Variants in LRCH1 observed in about 807,000 individuals in gnomAD.
LRCH1 encodes the protein leucine-rich repeat and calponin homology domain-containing protein 1.
A neutral mutation model predicts 94.9 loss-of-function variants in LRCH1; 23 were observed. The observed-to-expected ratio is 0.24, with a 90% CI of 0.17 to 0.34. The LOEUF is 0.34. LRCH1 is among the 10% of genes least tolerant of loss of function. The probability of loss-of-function intolerance (pLI) is 1.00; values close to 1 mark genes in which losing one functional copy is unlikely to be tolerated. For synonymous variants in LRCH1, 364 were observed against 354.9 expected (o/e 1.03, Z -0.29); for missense variants, 790 against 945.9 (o/e 0.84, Z 2.16).
chr13:46,720,854 G>A (rs897692024), intron 16 of LRCH1, among the ~76,000 whole-genome samples: 4 of 152,084 alleles, frequency 2.6e-5, no homozygotes, highest in African/African-American at 9.7e-5. Flanking sequence ...TAAAGAGATT[G>A]CCTTAAGTTC....
chr13:46,688,364 T>C (rs1870727760), intron 6 of LRCH1, among the ~76,000 whole-genome samples: 1 of 152,222 alleles, frequency 6.6e-6, no homozygotes, highest in Admixed American at 6.5e-5. Flanking sequence ...TTATTAATGT[T>C]GAATATGCCT....
intron 18 of LRCH1, among the ~76,000 whole-genome samples, chr13:46,729,352 G>A (rs1479326674): frequency 3.3e-5 from 5 of 151,718 alleles, no homozygotes; most frequent in African/African-American, 4.8e-5. Context: ...TTGTAGAGAC[G>A]GGGTTCTAAA....
intron 1 of LRCH1, among the ~76,000 whole-genome samples, chr13:46,648,645 T>C (rs2051253542): frequency 6.6e-6 from 1 of 152,256 alleles, no homozygotes; most frequent in African/African-American, 2.4e-5. Flanking sequence ...AAATTGGAAG[T>C]GCCTTAAATT....
chr13:46,657,500 C>CTT lies in LRCH1; in HGVS notation c.452+7196_452+7197dup, dbSNP rs67588975. On this transcript the variant is annotated intron_variant, in intron 2 of 19. Transcript: ENST00000389797. The stretch of plus-strand genomic sequence containing the variant: ...TCATTTTTACTTTTTCTTTTCTTTT[C>CTT]TTTTTTTTTTTTTTTTTTTTTTTTT... 2.5e-3 allele frequency among the ~76,000 whole-genome samples: 28 copies of CTT among 11,366 alleles called. 1 individual carries two copies. The highest frequency in any genetic ancestry group is 3.2e-3 in the Admixed American group (2 of 618). The allele number at this position is 11,366 out of a possible 152,430, so 7.5% of individuals were successfully genotyped here.
intron 1 of LRCH1, among the ~76,000 whole-genome samples, chr13:46,640,416 A>T (rs1181551374): frequency 6.6e-6 from 1 of 152,216 alleles, no homozygotes; most frequent in Non-Finnish European, 1.5e-5. Context: ...TTCCAAGTTC[A>T]TGCAGCTAAG....
intron 1 of LRCH1, 63 bp downstream of exon 1, chr13:46,553,766 C>T: frequency 6.3e-7 from 1 of 1,579,786 alleles, no homozygotes; most frequent in Non-Finnish European, 8.6e-7. Flanking sequence ...TCGTGCGTTC[C>T]CTAACGCGGT....
At chr13:46,572,981 T>C (rs1454048755) in intron 1 of LRCH1, among the ~76,000 whole-genome samples, 2 of 152,132 alleles carry the variant, frequency 1.3e-5, no homozygotes, top group Non-Finnish European at 1.5e-5. Context: ...CTCTCTATGC[T>C]CTAGTTTCCT....
chr13:46,620,117 G>A (rs2050863813), intron 1 of LRCH1, among the ~76,000 whole-genome samples: 1 of 152,156 alleles, frequency 6.6e-6, no homozygotes, highest in African/African-American at 2.4e-5. Context: ...GTAGGAAAAG[G>A]TATAGAGTCC....
At chr13:46,684,685 C>G (rs933874313) in intron 4 of LRCH1, among the ~76,000 whole-genome samples, 6 of 152,258 alleles carry the variant, frequency 3.9e-5, no homozygotes, top group African/African-American at 1.4e-4. Context: ...TCTTGCTTTT[C>G]CTATTGTTTC....
At chr13:46,554,015 G>C (rs1351197528) in intron 1 of LRCH1, among the ~76,000 whole-genome samples, 3 of 152,236 alleles carry the variant, frequency 2.0e-5, no homozygotes, top group Non-Finnish European at 4.4e-5. Flanking sequence ...CCGCGGGGCT[G>C]GGACTTGCAG....
intron 15 of LRCH1, among the ~76,000 whole-genome samples, chr13:46,713,645 T>C (rs1206803771): frequency 6.6e-6 from 1 of 152,166 alleles, no homozygotes; most frequent in Non-Finnish European, 1.5e-5. Context: ...TAGTGAGTGT[T>C]TTATGGAGAG....
At chr13:46,704,738 T>A (rs183042041) in intron 11 of LRCH1, among the ~76,000 whole-genome samples, 4 of 152,240 alleles carry the variant, frequency 2.6e-5, no homozygotes, top group Non-Finnish European at 5.9e-5. Flanking sequence ...TCTCAGCAAC[T>A]TGACTTGCTT....
downstream of LRCH1, among the ~76,000 whole-genome samples, chr13:46,746,450 C>T (rs1345281519): frequency 6.6e-6 from 1 of 152,114 alleles, no homozygotes; most frequent in African/African-American, 2.4e-5. Context: ...TAACTTGAAG[C>T]ATGAGTTCTT....
chr13:46,604,463 C>A (rs2050666312), intron 1 of LRCH1, among the ~76,000 whole-genome samples: 1 of 152,164 alleles, frequency 6.6e-6, no homozygotes, highest in Non-Finnish European at 1.5e-5. Context: ...TAAATTAATT[C>A]TGAAGGAACA....
chr13:46,638,385 C>G (rs9316219), intron 1 of LRCH1, among the ~76,000 whole-genome samples: 1 of 151,930 alleles, frequency 6.6e-6, no homozygotes, highest in Non-Finnish European at 1.5e-5. Flanking sequence ...TGGCACGGAA[C>G]CTTTGAATAG....
intron 1 of LRCH1, among the ~76,000 whole-genome samples, chr13:46,576,756 C>T (rs1053067430): frequency 6.6e-6 from 1 of 152,148 alleles, no homozygotes; most frequent in African/African-American, 2.4e-5. Context: ...CATTACAGTG[C>T]TAGGACTATG....
intron 15 of LRCH1, among the ~76,000 whole-genome samples, chr13:46,715,145 T>C (rs1189970284): frequency 6.6e-6 from 1 of 152,232 alleles, no homozygotes; most frequent in Non-Finnish European, 1.5e-5. Context: ...GTCACCAATT[T>C]TTTTGTGTGT....
In LRCH1 at chr13:46,742,667, T is replaced by C; in HGVS notation, c.*819T>C. 1 of 985,422 alleles carries C rather than the reference T, an allele frequency of 1.0e-6. No individual in the cohort carries two copies. The highest frequency in any genetic ancestry group is 1.2e-6 in the Non-Finnish European group (1 of 829,928). The allele number at this position is 985,422 out of a possible 1,614,324, so 61.0% of individuals were successfully genotyped here. On this transcript the variant is annotated 3_prime_UTR_variant, in exon 20 of 20. Coordinates refer to ENST00000389797, the MANE Select transcript of LRCH1 (RefSeq NM_001164211.2). ...AGCGTTTTCCAGAGAGATTTCTATT[T>C]TTGAACAATGGAACGGATCACTGCT...
chr13:46,653,710 A>G (rs2051335850), intron 2 of LRCH1, among the ~76,000 whole-genome samples: 1 of 151,818 alleles, frequency 6.6e-6, no homozygotes, highest in African/African-American at 2.4e-5. Context: ...GTGCACCTGT[A>G]GGCCCAGCTA....
Sources: allele counts gnomAD v4.1 joint callset (sites outside exome capture counted in the v4.1 genomes callset), GRCh38; gene constraint gnomAD v4.1.1; transcripts MANE v1.5; gene names NCBI Gene and HGNC (gene_info 2026-07-23, HGNC 2026-07-21).